Variants in ADGRL1 observed in about 807,000 individuals in gnomAD.
The protein encoded by ADGRL1 is CIRL-1.
A neutral mutation model predicts 148.9 loss-of-function variants in ADGRL1; 31 were observed. The observed-to-expected ratio is 0.21, with a 90% CI of 0.16 to 0.28. ADGRL1 has a LOEUF of 0.28. Among genes scored for constraint, ADGRL1 ranks in the 10% least tolerant of loss-of-function variants. ADGRL1 has a pLI of 1.00. For missense variants in ADGRL1, 1,521 were observed against 2,058.8 expected, an observed-to-expected ratio of 0.74 and a Z score of 5.05; for synonymous variants, 937 against 900.3, an observed-to-expected ratio of 1.04 and a Z score of -0.73.
At chr19:14,178,793 T>C (rs1458566271) in intron 2 of ADGRL1, among the ~76,000 whole-genome samples, 1 of 152,156 alleles carries the variant, frequency 6.6e-6, no homozygotes, top group African/African-American at 2.4e-5. Flanking sequence ...ATTATGGGCC[T>C]GAGTCCTCGC....
In ADGRL1 at chr19:14,159,207, C is replaced by T; in HGVS notation, c.2032G>A (p.Val678Ile). The T allele has an allele frequency of 6.2e-7, 1 of 1,614,052 alleles. No homozygotes were observed. Residue 678 changes from valine to isoleucine, a missense_variant, in exon 11 of 23, where the codon GTC becomes ATC. Coordinates refer to ENST00000361434, the MANE Select transcript of ADGRL1 (RefSeq NM_014921.5). This position sits in a 1 kb window ranked among gnomAD's most constrained non-coding sequence, Gnocchi z 6.0. ...LAAKENVVLE[V>I]TVLNTEGQVQ... is the part of the protein sequence containing the mutation. ...TGGCCCTCTGTGTTCAGGACTGTGA[C>T]CTCCAGGACTGTGGGGACAGGGGAA...
chr19:14,157,465 G>C lies in ADGRL1; in HGVS notation c.2536-5C>G, dbSNP rs1465597873. On this transcript the variant is annotated splice_polypyrimidine_tract_variant and splice_region_variant and intron_variant, in intron 13 of 22. Coordinates refer to ENST00000361434, the MANE Select transcript of ADGRL1 (RefSeq NM_014921.5). The surrounding 1 kb of genome is among the most constrained non-coding windows in gnomAD (Gnocchi z 7.5). The stretch of plus-strand genomic sequence containing the variant: ...CTCGTTGATGCGGCCCTGGTACTGG[G>C]GACAGGAACAGGGGGCACGCTCAGG... 6.2e-7 allele frequency: 1 copy of C among 1,613,426 alleles called. No individual in the cohort carries two copies. Among genetic ancestry groups the C allele is most frequent in the Non-Finnish European group, 8.5e-7 (1 of 1,179,608 alleles).
At chr19:14,165,834 C>A (rs1288227975) in intron 4 of ADGRL1, among the ~76,000 whole-genome samples, 1 of 152,076 alleles carries the variant, frequency 6.6e-6, no homozygotes, top group African/African-American at 2.4e-5. Flanking sequence ...GGAAGGGATG[C>A]TCCACAGACC....
chr19:14,157,179 C>G lies in ADGRL1; in HGVS notation c.2746-34G>C, dbSNP rs1298338853. The G allele has an allele frequency of 6.2e-7, 1 of 1,613,328 alleles. No homozygotes were observed. Among genetic ancestry groups the G allele is most frequent in the African/African-American group, 1.3e-5 (1 of 74,892 alleles). On this transcript the variant is annotated intron_variant, in intron 14 of 22. Coordinates refer to ENST00000361434, the MANE Select transcript of ADGRL1 (RefSeq NM_014921.5). This position sits in a 1 kb window ranked among gnomAD's most constrained non-coding sequence, Gnocchi z 7.5. ...AGCACTGAGGGTGAGGGGCTGCTGC[C>G]TGGACAGGTGTCCCCCTTCTTCTCC... is the stretch of plus-strand genomic sequence containing the variant.
chr19:14,156,883 G>T, intron 15 of ADGRL1, 42 bp downstream of exon 15: 1 of 1,593,014 alleles, frequency 6.3e-7, no homozygotes, highest in South Asian at 1.1e-5. Context: ...GCCCAGCAGG[G>T]AACCAGGTGG....
Position 14,150,584 on chromosome 19 carries a change from T to G in ADGRL1, c.*289A>C. On this transcript the variant is annotated 3_prime_UTR_variant, in exon 23 of 23. Coordinates refer to ENST00000361434, the MANE Select transcript of ADGRL1 (RefSeq NM_014921.5). ...AGAGTCTGGAAGTGGGCTGCACCCT[T>G]CCAAGTTCTCCCTCCTCACTCCCCT... 2.2e-6 allele frequency: 1 copy of G among 449,506 alleles called. No homozygotes were observed. Among genetic ancestry groups the G allele is most frequent in the Non-Finnish European group, 4.0e-6 (1 of 252,182 alleles). 27.8% of individuals were successfully genotyped at this position (449,506 alleles called of 1,614,324 possible).
rs1027863248 is a variant in ADGRL1, at chr19:14,160,858, G to C, written c.1511-162C>G. The stretch of plus-strand genomic sequence containing the variant: ...CAGACATGAAGCGGGCTGGACAGTC[G>C]AAAGAGGCGCCACTCACTTCCCCTG... On this transcript the variant is annotated intron_variant, in intron 6 of 22. Transcript: ENST00000361434. This position sits in a 1 kb window ranked among gnomAD's most constrained non-coding sequence, Gnocchi z 5.9. 2.6e-5 allele frequency among the ~76,000 whole-genome samples: 4 copies of C among 152,134 alleles called. No individual in the cohort carries two copies. The highest frequency in any genetic ancestry group is 9.7e-5 in the African/African-American group (4 of 41,426).
chr19:14,180,882 A>C (rs1241522804), intron 2 of ADGRL1, among the ~76,000 whole-genome samples: 2 of 151,912 alleles, frequency 1.3e-5, no homozygotes, highest in Non-Finnish European at 2.9e-5. Flanking sequence ...CTTTTGATGT[A>C]ATAAACTGTG....
intron 4 of ADGRL1, chr19:14,167,015 C>A (rs1450193357): frequency 6.2e-7 from 1 of 1,612,922 alleles, no homozygotes; most frequent in African/African-American, 1.3e-5. Context: ...AGTGCGTTTA[C>A]CTTTCTGCTC....
intron 4 of ADGRL1, among the ~76,000 whole-genome samples, chr19:14,164,096 A>G (rs1599428836): frequency 6.9e-6 from 1 of 144,800 alleles, no homozygotes; most frequent in African/African-American, 2.5e-5. Flanking sequence ...CCTGCTCCCC[A>G]CCCCCCACCC....
At chr19:14,172,464 G>A (rs1343018124) in intron 3 of ADGRL1, among the ~76,000 whole-genome samples, 1 of 152,042 alleles carries the variant, frequency 6.6e-6, no homozygotes, top group Non-Finnish European at 1.5e-5. Flanking sequence ...CTGGGGCAGG[G>A]TGCAGTGGCT....
chr19:14,171,986 A>G (rs529763533), intron 3 of ADGRL1, among the ~76,000 whole-genome samples: 59 of 152,258 alleles, frequency 3.9e-4, no homozygotes, highest in Non-Finnish European at 6.6e-4. Context: ...CTCCCCTTCA[A>G]TCCTGCTCTT....
In ADGRL1 at chr19:14,160,609, T is replaced by C. The variant is rs1273746862; in HGVS notation, c.1598A>G (p.Asn533Ser). Residue 533 changes from asparagine to serine, a missense_variant, in exon 7 of 23, where the codon AAC (asparagine) becomes AGC (serine). Physicochemically the swap from Asn to Ser is conservative, Grantham distance 46. Transcript: ENST00000361434. This position sits in a 1 kb window ranked among gnomAD's most constrained non-coding sequence, Gnocchi z 5.9. ...GGCTGGTACCTTCTGGGCCACCTGG[T>C]TGACCCAGGGGGAGGTGCAGTTGCT... ...DLSNCTSPWV[N>S]QVAQKIKSGE... 6.2e-7 allele frequency: 1 copy of C among 1,608,706 alleles called. No homozygotes were observed. Among genetic ancestry groups the C allele is most frequent in the Non-Finnish European group, 8.5e-7 (1 of 1,177,658 alleles).
rs1338555668 is a variant in ADGRL1, at chr19:14,160,065, G to A, written c.1800+47C>T. The A allele has an allele frequency of 6.5e-7, 1 of 1,530,038 alleles. No individual in the cohort carries two copies. The highest frequency in any genetic ancestry group is 2.3e-5 in the East Asian group (1 of 43,740). The allele number at this position is 1,530,038 out of a possible 1,614,324, so 94.8% of individuals were successfully genotyped here. The stretch of plus-strand genomic sequence containing the variant: ...GTCAGGTACTTCCCAAGCCCCTGGG[G>A]GCAGGCGCCCTCCCCATACCAGGTC... On this transcript the variant is annotated intron_variant, in intron 8 of 22. Coordinates refer to ENST00000361434, the MANE Select transcript of ADGRL1 (RefSeq NM_014921.5). The surrounding 1 kb of genome is among the most constrained non-coding windows in gnomAD (Gnocchi z 5.9).
rs1968716107 is a variant in ADGRL1 at position 14,156,133 on chromosome 19, G to A, written c.3102C>T (p.Asp1034=). ...MIRSSSVLKP[D]SSRLDNIKSW... The stretch of plus-strand genomic sequence containing the variant: ...ACTTAATGTTGTCCAGGCGGCTGGA[G>A]TCGGGCTTGAGCACAGATGAGCTTC... The change falls in exon 17 of 23, where the codon GAC becomes GAT. Residue 1034 remains aspartate, a synonymous_variant. Transcript: ENST00000361434. 1 of 1,612,628 alleles carries A rather than the reference G, an allele frequency of 6.2e-7. No individual in the cohort carries two copies. Among genetic ancestry groups the A allele is most frequent in the African/African-American group, 1.3e-5 (1 of 75,000 alleles).
chr19:14,170,387 G>C (rs1421365496), intron 4 of ADGRL1: 2 of 269,664 alleles, frequency 7.4e-6, no homozygotes, highest in Non-Finnish European at 1.4e-5. Flanking sequence ...TGGCCTGGCA[G>C]TGTGGAAATG....
At position 14,159,242 on chromosome 19, in the gene ADGRL1, T is replaced by TA; in HGVS notation, c.2024-28dup. On this transcript the variant is annotated intron_variant, in intron 10 of 22. Coordinates refer to ENST00000361434, the MANE Select transcript of ADGRL1 (RefSeq NM_014921.5). The surrounding 1 kb of genome is among the most constrained non-coding windows in gnomAD (Gnocchi z 6.0). Reference sequence around the variant, plus strand: ...TGTGGGGACAGGGGAAGGCAAGGCATACACAGTTGGGGTCTGTTCCCAGTC... The same window carrying TA: ...TGTGGGGACAGGGGAAGGCAAGGCATAACACAGTTGGGGTCTGTTCCCAGTC... 6.2e-7 allele frequency: 1 copy of TA among 1,613,072 alleles called. No individual in the cohort carries two copies. Among genetic ancestry groups the TA allele is most frequent in the Non-Finnish European group, 8.5e-7 (1 of 1,179,366 alleles).
chr19:14,188,156 C>T (rs1971703020), intron 1 of ADGRL1, among the ~76,000 whole-genome samples: 1 of 152,148 alleles, frequency 6.6e-6, no homozygotes. Flanking sequence ...ATTGTGTGGG[C>T]AGCGAATCCA....
chr19:14,155,260 G>A lies in ADGRL1; in HGVS notation c.3294+99C>T. On this transcript the variant is annotated intron_variant, in intron 18 of 22. Coordinates refer to ENST00000361434, the MANE Select transcript of ADGRL1 (RefSeq NM_014921.5). This position sits in a 1 kb window ranked among gnomAD's most constrained non-coding sequence, Gnocchi z 5.0. ...CCTGCAGCACTCACTGGGGGCTTGA[G>A]GGAGCCCCTGAGTCCCCTCCACCCT... is the stretch of plus-strand genomic sequence containing the variant. The A allele has an allele frequency of 7.3e-7, 1 of 1,377,620 alleles. No homozygotes were observed. The highest frequency in any genetic ancestry group is 1.0e-6 in the Non-Finnish European group (1 of 998,400). 85.3% of individuals were successfully genotyped at this position (1,377,620 alleles called of 1,614,324 possible). A position where few individuals can be genotyped will look rare whatever the true frequency, so the allele number is the denominator to read the frequency against.
Sources: gnomAD v4.1 joint callset for allele counts (sites outside exome capture counted in the v4.1 genomes callset) on GRCh38, gnomAD v4.1.1 for gene constraint, Gnocchi (gnomAD v3.1) non-coding constraint, MANE v1.5 for transcripts, NCBI Gene and HGNC (gene_info 2026-07-23, HGNC 2026-07-21) for gene names.